Variants in ILDR1 observed in about 807,000 individuals in gnomAD.
The protein encoded by ILDR1 is immunoglobulin like domain containing receptor 1.
Under a neutral mutation model 62.4 loss-of-function variants are expected in ILDR1, and 56 were observed. The ratio of observed to expected loss-of-function variants is 0.90; its 90% confidence interval spans 0.72 to 1.12. The LOEUF (loss-of-function observed/expected upper bound fraction) is 1.12, where lower values mean the gene tolerates loss of function less well. Ranked by LOEUF, ILDR1 falls within the 50% of genes most tolerant of loss-of-function variation. The pLI is 0.00. For missense variants in ILDR1, 736 were observed against 710.6 expected (o/e 1.04, Z -0.41); for synonymous variants, 284 against 277.8 (o/e 1.02, Z -0.22).
At chr3:121,995,416 C>T (rs1289260344) in intron 5 of ILDR1, among the ~76,000 whole-genome samples, 3 of 152,216 alleles carry the variant, frequency 2.0e-5, no homozygotes, top group Non-Finnish European at 2.9e-5. Context: ...ATCCTGAACA[C>T]AGCCACATAG....
the ILDR1 span, among the ~76,000 whole-genome samples, chr3:122,048,207 A>C: frequency 0.17 from 26,493 of 152,170 alleles, 2,471 homozygotes; most frequent in South Asian, 0.26. Flanking sequence ...GTGTCTATTG[A>C]GATGACCATA....
chr3:122,027,840 G>T, the ILDR1 span, among the ~76,000 whole-genome samples: 1 of 152,152 alleles, frequency 6.6e-6, no homozygotes, highest in African/African-American at 2.4e-5. Flanking sequence ...CTGACAAGGG[G>T]GTTGTGAGTA....
chr3:122,004,192 T>A (rs1172779077), intron 3 of ILDR1, among the ~76,000 whole-genome samples: 1 of 152,202 alleles, frequency 6.6e-6, no homozygotes, highest in Non-Finnish European at 1.5e-5. Context: ...TCTTCCCTTT[T>A]TCCCCTTTTA....
chr3:122,024,605 T>C (rs1290113749), upstream of ILDR1, among the ~76,000 whole-genome samples: 2 of 152,268 alleles, frequency 1.3e-5, no homozygotes, highest in African/African-American at 2.4e-5. Context: ...TGATTTATTA[T>C]GTACTATGTA....
chr3:122,000,723 G>A (rs1196222222), intron 5 of ILDR1, among the ~76,000 whole-genome samples: 2 of 152,182 alleles, frequency 1.3e-5, no homozygotes, highest in African/African-American at 4.8e-5. Flanking sequence ...ATCTGAAGTA[G>A]GGGGCAGTCT....
At chr3:122,048,642 T>C in the ILDR1 span, among the ~76,000 whole-genome samples, 249 of 152,370 alleles carry the variant, frequency 1.6e-3, 2 homozygotes, top group East Asian at 0.039. Flanking sequence ...TTCTTTATGA[T>C]TCAGCTTTGG....
chr3:121,997,743 T>C (rs896084657), intron 5 of ILDR1, among the ~76,000 whole-genome samples: 1 of 152,134 alleles, frequency 6.6e-6, no homozygotes, highest in African/African-American at 2.4e-5. Context: ...TGCCTGGAGG[T>C]TCTCCAGTAA....
Position 121,987,776 on chromosome 3 carries a change from A to G in ILDR1, c.*591T>C, listed in dbSNP as rs1302797123. The G allele has an allele frequency of 5.4e-6, 1 of 186,866 alleles. No individual in the cohort carries two copies. Among genetic ancestry groups the G allele is most frequent in the Non-Finnish European group, 1.1e-5 (1 of 89,192 alleles). 11.6% of individuals were successfully genotyped at this position (186,866 alleles called of 1,614,324 possible). On this transcript the variant is annotated 3_prime_UTR_variant, in exon 8 of 8. Coordinates refer to ENST00000344209, the MANE Select transcript of ILDR1 (RefSeq NM_001199799.2). ...GTCTACTGAAAGACTCAGGCTACTA[A>G]GTTCCTGAGGGATCACATTCCAGTC...
chr3:122,038,270 C>G, the ILDR1 span, among the ~76,000 whole-genome samples: 86 of 152,280 alleles, frequency 5.6e-4, no homozygotes, highest in African/African-American at 2.0e-3. Context: ...CAAATTCATT[C>G]TGTGGAGCAG....
chr3:122,042,794 C>A, the ILDR1 span, among the ~76,000 whole-genome samples: 2 of 152,028 alleles, frequency 1.3e-5, no homozygotes. Context: ...TGTCTGAGTT[C>A]ATTGTAGATT....
chr3:122,006,974 G>T lies in ILDR1; in HGVS notation c.229+17C>A, dbSNP rs775476932. The T allele has an allele frequency of 2.0e-5, 32 of 1,608,900 alleles. No individual in the cohort carries two copies. The highest frequency in any genetic ancestry group is 2.5e-5 in the Non-Finnish European group (30 of 1,178,410). ...TGTCTGGGACCCACAGAGGGCCAAG[G>T]GGGTAAGGATACTCACACGCTGAGT... is the stretch of plus-strand genomic sequence containing the variant. On this transcript the variant is annotated intron_variant, in intron 2 of 7. Transcript: ENST00000344209.
the ILDR1 span, among the ~76,000 whole-genome samples, chr3:122,050,657 T>C: frequency 6.6e-6 from 1 of 150,500 alleles, no homozygotes; most frequent in Non-Finnish European, 1.5e-5. Context: ...TTAACTTTTA[T>C]ACCAGAATTA....
rs60284951 is a variant in ILDR1 at position 122,009,324 on chromosome 3, AACAC to A, written c.59-2167_59-2164del. On this transcript the variant is annotated intron_variant, in intron 1 of 7. Coordinates refer to ENST00000344209, the MANE Select transcript of ILDR1 (RefSeq NM_001199799.2). ...AACCACTGGTGTAGACTCAATTTAA[AACAC>A]ACACACACACACACACACACACACA... is the stretch of plus-strand genomic sequence containing the variant. Among the ~76,000 whole-genome samples the A allele has an allele frequency of 4.7e-3, 645 of 137,890 alleles. 9 individuals carry two copies. Among genetic ancestry groups the A allele is most frequent in the Admixed American group, 0.015 (208 of 13,520 alleles). 90.5% of individuals were successfully genotyped at this position (137,890 alleles called of 152,430 possible). A position where few individuals can be genotyped will look rare whatever the true frequency, so the allele number is the denominator to read the frequency against.
At chr3:122,020,374 A>G (rs1487103601) in intron 1 of ILDR1, among the ~76,000 whole-genome samples, 2 of 152,262 alleles carry the variant, frequency 1.3e-5, no homozygotes, top group Non-Finnish European at 2.9e-5. Context: ...CATCATTGAC[A>G]CAAACCACAT....
chr3:122,035,142 T>C, the ILDR1 span, among the ~76,000 whole-genome samples: 2 of 152,192 alleles, frequency 1.3e-5, no homozygotes, highest in Admixed American at 1.3e-4. Flanking sequence ...ACTCATCTAC[T>C]CTATCTTCCC....
At chr3:122,001,914 G>T (rs750659561) in intron 3 of ILDR1, 50 bp from the exon 4 acceptor site, 8 of 1,607,678 alleles carry the variant, frequency 5.0e-6, no homozygotes, top group Non-Finnish European at 6.8e-6. Flanking sequence ...GAGAGCACTG[G>T]TTTCTAACCC....
the ILDR1 span, among the ~76,000 whole-genome samples, chr3:122,034,709 C>A: frequency 6.6e-6 from 1 of 151,898 alleles, no homozygotes; most frequent in East Asian, 1.9e-4. Flanking sequence ...AAAGACATAC[C>A]CGAGACTGGG....
chr3:122,061,121 C>T, the ILDR1 span, among the ~76,000 whole-genome samples: 3 of 152,138 alleles, frequency 2.0e-5, no homozygotes, highest in African/African-American at 2.4e-5. Flanking sequence ...AAGGAATGAA[C>T]ATTTGGTTAA....
the ILDR1 span, among the ~76,000 whole-genome samples, chr3:122,041,920 T>TA: frequency 1.3e-5 from 2 of 151,496 alleles, no homozygotes; most frequent in African/African-American, 2.4e-5. Flanking sequence ...CTTTTTTTTT[T>TA]TTATTATTAT....
Sources: gnomAD v4.1 joint callset for allele counts (sites outside exome capture counted in the v4.1 genomes callset) on GRCh38, gnomAD v4.1.1 for gene constraint, MANE v1.5 for transcripts, NCBI Gene and HGNC (gene_info 2026-07-23, HGNC 2026-07-21) for gene names.